SYT10: variants seen among roughly 807,000 people sequenced by gnomAD.
The protein encoded by SYT10 is synaptotagmin-10.
Under a neutral mutation model 51.1 loss-of-function variants are expected in SYT10, and 31 were observed. The ratio of observed to expected loss-of-function variants is 0.61; its 90% CI spans 0.46 to 0.82. The LOEUF is 0.82. Ranked by LOEUF, SYT10 falls within the 40% of genes least tolerant of loss-of-function variation. The pLI is 0.00. For synonymous variants in SYT10, 233 were observed against 225.9 expected (o/e 1.03, Z -0.28); for missense variants, 603 against 634.0 (o/e 0.95, Z 0.53).
chr12:33,406,575 T>G (rs1565495144), intron 3 of SYT10, among the ~76,000 whole-genome samples: 1 of 152,136 alleles, frequency 6.6e-6, no homozygotes, highest in Non-Finnish European at 1.5e-5. Context: ...TTATAAGAGC[T>G]ACGTTTTTTT....
intron 3 of SYT10, among the ~76,000 whole-genome samples, chr12:33,385,853 T>C (rs578099192): frequency 6.6e-6 from 1 of 152,354 alleles, no homozygotes; most frequent in African/African-American, 2.4e-5. Flanking sequence ...AAGGTGATCA[T>C]TTATGAAATG....
intron 3 of SYT10, among the ~76,000 whole-genome samples, chr12:33,395,179 A>G (rs1222550798): frequency 6.6e-6 from 1 of 152,240 alleles, no homozygotes; most frequent in Non-Finnish European, 1.5e-5. Context: ...GTGGTCTTAG[A>G]TTTCAAAGCC....
intron 1 of SYT10, among the ~76,000 whole-genome samples, chr12:33,428,265 A>C (rs1866568391): frequency 6.6e-6 from 1 of 152,240 alleles, no homozygotes; most frequent in South Asian, 2.1e-4. Flanking sequence ...AACTTAAATA[A>C]ATTGCAACTA....
intron 4 of SYT10, among the ~76,000 whole-genome samples, chr12:33,384,589 T>C (rs1466375149): frequency 1.3e-5 from 2 of 152,356 alleles, no homozygotes; most frequent in South Asian, 2.1e-4. Context: ...TGAAGAAGCA[T>C]GATGTATCTT....
chr12:33,415,369 T>C (rs1221053431), intron 2 of SYT10, among the ~76,000 whole-genome samples: 1 of 152,282 alleles, frequency 6.6e-6, no homozygotes, highest in East Asian at 1.9e-4. Flanking sequence ...CTAGGCTTCC[T>C]GGGGATGCAG....
chr12:33,422,937 G>A (rs973968896), intron 2 of SYT10, among the ~76,000 whole-genome samples: 2 of 152,064 alleles, frequency 1.3e-5, no homozygotes, highest in African/African-American at 2.4e-5. Context: ...TGAAAGATAC[G>A]TTGACTATAC....
chr12:33,426,599 A>G, intron 1 of SYT10, 104 bp from the exon 2 acceptor site: 1 of 1,065,598 alleles, frequency 9.4e-7, no homozygotes, highest in East Asian at 2.8e-5. Flanking sequence ...CCTGATTCAG[A>G]ATTTCAAAAA....
chr12:33,427,157 G>T (rs571404168), intron 1 of SYT10, among the ~76,000 whole-genome samples: 1 of 152,152 alleles, frequency 6.6e-6, no homozygotes, highest in East Asian at 1.9e-4. Flanking sequence ...TAATCCCCAA[G>T]GCCATGGTAT....
At chr12:33,426,964 C>T (rs1333157529) in intron 1 of SYT10, among the ~76,000 whole-genome samples, 1 of 152,142 alleles carries the variant, frequency 6.6e-6, no homozygotes, top group East Asian at 1.9e-4. Context: ...ATGAGAATAA[C>T]ACATTACTAA....
intron 3 of SYT10, among the ~76,000 whole-genome samples, chr12:33,406,180 T>C (rs1866351470): frequency 6.6e-6 from 1 of 152,116 alleles, no homozygotes; most frequent in Non-Finnish European, 1.5e-5. Flanking sequence ...AAGTTGGTAT[T>C]ATTTTATAAT....
intron 2 of SYT10, among the ~76,000 whole-genome samples, chr12:33,414,097 A>G (rs1384503314): frequency 6.6e-6 from 1 of 152,152 alleles, no homozygotes; most frequent in African/African-American, 2.4e-5. Flanking sequence ...AGGCCATTAC[A>G]TAATGGTAAA....
intron 2 of SYT10, 147 bp from the exon 3 acceptor site, chr12:33,407,503 A>G: frequency 1.3e-6 from 1 of 756,520 alleles, no homozygotes; most frequent in South Asian, 3.3e-5. Context: ...ATAATCAAAG[A>G]GGTACTTTTG....
At chr12:33,397,426 T>C (rs573369720) in intron 3 of SYT10, among the ~76,000 whole-genome samples, 1 of 152,264 alleles carries the variant, frequency 6.6e-6, no homozygotes, top group South Asian at 2.1e-4. Flanking sequence ...TGAGAAAAAC[T>C]GTACCCTCAG....
chr12:33,376,557 A>T lies in SYT10; in HGVS notation c.*273T>A. The T allele has an allele frequency of 2.3e-6, 1 of 443,954 alleles. No homozygotes were observed. Among genetic ancestry groups the T allele is most frequent in the Non-Finnish European group, 4.1e-6 (1 of 245,656 alleles). The allele number at this position is 443,954 out of a possible 1,614,324, so 27.5% of individuals were successfully genotyped here. A position where few individuals can be genotyped will look rare whatever the true frequency, so the allele number is the denominator to read the frequency against. On this transcript the variant is annotated 3_prime_UTR_variant, in exon 7 of 7. Transcript: ENST00000228567. ...TTAAAAAAACATTTCATATGCAAAG[A>T]ATTACAACATAGTAAAACACTCTTT... is the stretch of plus-strand genomic sequence containing the variant.
At position 33,374,268 on chromosome 12, in the gene SYT10, G is replaced by C. The variant is rs550318126; in HGVS notation, c.*2562C>G. The C allele has an allele frequency of 3.3e-5, 5 of 151,390 alleles. No individual in the cohort carries two copies. The highest frequency in any genetic ancestry group is 5.9e-5 in the Non-Finnish European group (4 of 67,826). The allele number at this position is 151,390 out of a possible 1,614,324, so 9.4% of individuals were successfully genotyped here. On this transcript the variant is annotated 3_prime_UTR_variant, in exon 7 of 7. Transcript: ENST00000228567. ...CTTTTTTTTCCTAGACTGATATTTGGTAAGTCCCTGAAGAAGTCCCTGAAA... is the reference window on the plus strand; with the variant it reads ...CTTTTTTTTCCTAGACTGATATTTGCTAAGTCCCTGAAGAAGTCCCTGAAA...
intron 2 of SYT10, among the ~76,000 whole-genome samples, chr12:33,425,585 G>A (rs1028568875): frequency 2.0e-5 from 3 of 152,096 alleles, no homozygotes; most frequent in Non-Finnish European, 4.4e-5. Flanking sequence ...TTTGCCCAGT[G>A]TAAGAATCTG....
intron 2 of SYT10, among the ~76,000 whole-genome samples, chr12:33,409,314 T>A (rs1243768547): frequency 6.6e-6 from 1 of 151,914 alleles, no homozygotes; most frequent in South Asian, 2.1e-4. Context: ...CCTCCCAGGT[T>A]GAGGCGATTC....
chr12:33,401,442 T>A (rs1346965611), intron 3 of SYT10, among the ~76,000 whole-genome samples: 1 of 152,174 alleles, frequency 6.6e-6, no homozygotes, highest in East Asian at 1.9e-4. Context: ...TTGCACAGAA[T>A]GAAGATTCAC....
intron 1 of SYT10, among the ~76,000 whole-genome samples, chr12:33,438,270 T>C (rs1866654117): frequency 6.6e-6 from 1 of 151,998 alleles, no homozygotes; most frequent in Admixed American, 6.6e-5. Context: ...CGCCAGGAGA[T>C]CAAAATGACA....
Sources: allele counts gnomAD v4.1 joint callset (sites outside exome capture counted in the v4.1 genomes callset), GRCh38; gene constraint gnomAD v4.1.1; transcripts MANE v1.5; gene names NCBI Gene and HGNC (gene_info 2026-07-23, HGNC 2026-07-21).